Variants in CDH13 observed in about 807,000 individuals in gnomAD.
The protein encoded by CDH13 is cadherin-13.
Under a neutral mutation model 63.8 loss-of-function variants are expected in CDH13, and 24 were observed. The observed-to-expected ratio is 0.38, with a 90% CI of 0.27 to 0.53. The LOEUF is 0.53. CDH13 is among the 20% of genes least tolerant of loss of function. The pLI, the probability that CDH13 is intolerant of heterozygous loss-of-function variation, is 0.85. For missense variants in CDH13, 1,049 were observed against 903.1 expected (o/e 1.16, Z -2.07); for synonymous variants, 503 against 355.3 (o/e 1.42, Z -4.67).
At chr16:83,434,199 C>T (rs2072213895) in intron 6 of CDH13, among the ~76,000 whole-genome samples, 1 of 152,126 alleles carries the variant, frequency 6.6e-6, no homozygotes, top group Admixed American at 6.5e-5. Flanking sequence ...AGCATCTCAA[C>T]GAACTCTGCT....
At chr16:83,503,658 T>G (rs910294564) in intron 7 of CDH13, among the ~76,000 whole-genome samples, 1 of 152,190 alleles carries the variant, frequency 6.6e-6, no homozygotes, top group African/African-American at 2.4e-5. Context: ...GACGATGAGC[T>G]TTTTTCCAAA....
At chr16:82,744,292 G>A (rs12928133) in intron 1 of CDH13, among the ~76,000 whole-genome samples, 16,611 of 152,244 alleles carry the variant, frequency 0.11, 1,126 homozygotes, top group Middle Eastern at 0.22. Flanking sequence ...CTGAAAAATG[G>A]TATCTGCCTG....
intron 5 of CDH13, among the ~76,000 whole-genome samples, chr16:83,220,183 C>A (rs967018740): frequency 2.0e-5 from 3 of 152,190 alleles, no homozygotes; most frequent in Non-Finnish European, 4.4e-5. Context: ...TTCATCATAC[C>A]CGCACTGAAG....
intron 9 of CDH13, among the ~76,000 whole-genome samples, chr16:83,676,157 G>A (rs16961250): frequency 0.12 from 18,113 of 152,174 alleles, 1,197 homozygotes; most frequent in East Asian, 0.23. Flanking sequence ...GGAGCTGAGC[G>A]GCACAAATTG....
chr16:82,656,585 A>G (rs147600507), intron 1 of CDH13, among the ~76,000 whole-genome samples: 6 of 152,110 alleles, frequency 3.9e-5, no homozygotes, highest in African/African-American at 1.2e-4. Context: ...CATCATTATC[A>G]CTCAAAGTTC....
intron 4 of CDH13, among the ~76,000 whole-genome samples, chr16:83,165,895 C>A (rs1179947999): frequency 2.6e-5 from 4 of 151,986 alleles, no homozygotes. Flanking sequence ...CTCTGTAGGA[C>A]CCAGGAGAGA....
intron 5 of CDH13, among the ~76,000 whole-genome samples, chr16:83,232,267 G>A (rs1467541734): frequency 8.1e-6 from 1 of 123,630 alleles, no homozygotes; most frequent in Non-Finnish European, 1.6e-5. Flanking sequence ...GCTCATGCCT[G>A]TAATCTGAGT....
At chr16:83,007,679 C>G (rs373061619) in intron 2 of CDH13, among the ~76,000 whole-genome samples, 33 of 152,098 alleles carry the variant, frequency 2.2e-4, no homozygotes, top group African/African-American at 6.8e-4. Flanking sequence ...AAAATATTAG[C>G]TGGGCAGGGT....
intron 3 of CDH13, among the ~76,000 whole-genome samples, chr16:83,052,608 T>C (rs539381864): frequency 5.2e-4 from 79 of 151,878 alleles, no homozygotes; most frequent in African/African-American, 1.9e-3. Context: ...GGCGAAACCC[T>C]GTCTCTACTA....
chr16:83,135,017 T>C (rs1486881200), intron 4 of CDH13, among the ~76,000 whole-genome samples: 1 of 152,224 alleles, frequency 6.6e-6, no homozygotes, highest in Non-Finnish European at 1.5e-5. Flanking sequence ...TTTGTGAACA[T>C]TCAAGGACCA....
chr16:83,065,837 G>A (rs950940336), intron 3 of CDH13, among the ~76,000 whole-genome samples: 2 of 152,058 alleles, frequency 1.3e-5, no homozygotes, highest in Non-Finnish European at 2.9e-5. Context: ...GGGTGCCACA[G>A]GACACACAGC....
intron 2 of CDH13, among the ~76,000 whole-genome samples, chr16:83,017,297 A>C (rs1007806201): frequency 7.9e-5 from 12 of 152,298 alleles, no homozygotes; most frequent in African/African-American, 2.9e-4. Context: ...TACTGACTTC[A>C]AGATTCTACT....
At chr16:83,299,947 G>A (rs1464808229) in intron 5 of CDH13, among the ~76,000 whole-genome samples, 6 of 152,310 alleles carry the variant, frequency 3.9e-5, no homozygotes, top group Admixed American at 1.3e-4. Context: ...ATGAGGGCAA[G>A]GTCTACCTGC....
intron 6 of CDH13, among the ~76,000 whole-genome samples, chr16:83,406,515 G>T (rs1022699170): frequency 5.7e-4 from 86 of 151,610 alleles, no homozygotes; most frequent in Middle Eastern, 3.4e-3. Context: ...CCAGGCTGGA[G>T]TGCAATGGCA....
intron 11 of CDH13, among the ~76,000 whole-genome samples, chr16:83,776,203 T>C (rs12445008): frequency 0.2 from 30,042 of 152,180 alleles, 3,284 homozygotes; most frequent in Non-Finnish European, 0.25. Flanking sequence ...CCAATTCTTA[T>C]GGCCGTATTT....
intron 1 of CDH13, among the ~76,000 whole-genome samples, chr16:82,638,169 A>G (rs1451138346): frequency 1.3e-5 from 2 of 152,132 alleles, no homozygotes; most frequent in East Asian, 3.9e-4. Context: ...AACTATGAAG[A>G]ACGCTGCAAA....
chr16:83,474,251 A>G (rs886580975), intron 6 of CDH13, among the ~76,000 whole-genome samples: 1 of 152,196 alleles, frequency 6.6e-6, no homozygotes, highest in African/African-American at 2.4e-5. Flanking sequence ...TTTTACCTGC[A>G]TCTTTAAGCC....
intron 4 of CDH13, among the ~76,000 whole-genome samples, chr16:83,184,159 AGTC>A (rs200801525): frequency 0.014 from 2,044 of 150,196 alleles, 67 homozygotes; most frequent in African/African-American, 0.048. Context: ...AAAAAAAAAA[AGTC>A]AGAACAATGA....
At chr16:82,842,123 TATATATATATATATACAC>T (rs1486597842) in intron 1 of CDH13, among the ~76,000 whole-genome samples, 572 of 47,682 alleles carry the variant, frequency 0.012, 11 homozygotes, top group Non-Finnish European at 0.015. Context: ...TATATATATA[TATATATATATATATACAC>T]ATATATATAT....
Sources: allele counts gnomAD v4.1 joint callset (sites outside exome capture counted in the v4.1 genomes callset), GRCh38; gene constraint gnomAD v4.1.1; transcripts MANE v1.5; gene names NCBI Gene and HGNC (gene_info 2026-07-23, HGNC 2026-07-21).